TXNDC5: variants seen among roughly 807,000 people sequenced by gnomAD.
TXNDC5 encodes thioredoxin domain-containing protein 5.
TXNDC5 carries 44 observed loss-of-function variants against 52.6 expected under a neutral mutation model. The observed-to-expected ratio is 0.84, with a 90% CI of 0.66 to 1.08. The LOEUF (loss-of-function observed/expected upper bound fraction) is 1.08. Among genes scored for constraint, TXNDC5 ranks in the 50% least tolerant of loss-of-function variants. The probability of loss-of-function intolerance (pLI) is 0.00; values close to 1 mark genes in which losing one functional copy is unlikely to be tolerated. For missense variants in TXNDC5, 600 were observed against 565.5 expected, an observed-to-expected ratio of 1.06 and a Z score of -0.62; for synonymous variants, 241 against 234.4, an observed-to-expected ratio of 1.03 and a Z score of -0.26.
intron 7 of TXNDC5, among the ~76,000 whole-genome samples, chr6:7,888,311 G>A (rs1445609291): frequency 2.0e-5 from 3 of 152,154 alleles, no homozygotes; most frequent in African/African-American, 7.2e-5. Flanking sequence ...AAAGGAAAAT[G>A]CCCGGAGCAA....
In TXNDC5 at chr6:7,882,967, TA is replaced by T. The variant is rs1759819567; in HGVS notation, c.*176del. On this transcript the variant is annotated 3_prime_UTR_variant, in exon 10 of 10. Coordinates refer to ENST00000379757, the MANE Select transcript of TXNDC5 (RefSeq NM_030810.5). ...ATTTACTTAGAGAAACTTAACTTAA[TA>T]AAGAATCTGTAGAGTGTGTTGGCTT... 14 of 753,188 alleles carry T rather than the reference TA, an allele frequency of 1.9e-5. No individual in the cohort carries two copies. The South Asian group carries it at 3.0e-4, about 16-fold the overall frequency. 46.7% of individuals were successfully genotyped at this position (753,188 alleles called of 1,614,324 possible). A position where few individuals can be genotyped will look rare whatever the true frequency, so the allele number is the denominator to read the frequency against.
rs1236860815 is a variant in TXNDC5 at position 7,891,347 on chromosome 6, GA to G, written c.732+273del. ...CAAGGCTCTACCCCATCTCTTTGCA[GA>G]ACGGGCTCTGGGGCTGCCAATTCAG... On this transcript the variant is annotated intron_variant, in intron 5 of 9. Coordinates refer to ENST00000379757, the MANE Select transcript of TXNDC5 (RefSeq NM_030810.5). Among the ~76,000 whole-genome samples, 9 of 152,250 alleles carry G rather than the reference GA, an allele frequency of 5.9e-5. No homozygotes were observed. The East Asian group carries it at 1.7e-3, about 29-fold the overall frequency.
At chr6:7,910,483 C>A (rs1472376231) in intron 1 of TXNDC5, 31 bp downstream of exon 1, 2 of 1,398,554 alleles carry the variant, frequency 1.4e-6, no homozygotes, top group Non-Finnish European at 9.4e-7. Context: ...GCGCCAAGTG[C>A]GGGGCAGGGC....
chr6:7,903,442 T>C (rs1760635234), intron 2 of TXNDC5, among the ~76,000 whole-genome samples: 1 of 152,190 alleles, frequency 6.6e-6, no homozygotes, highest in Non-Finnish European at 1.5e-5. Flanking sequence ...GTATTGGGTG[T>C]GCTCAGATTG....
intron 5 of TXNDC5, among the ~76,000 whole-genome samples, chr6:7,890,429 G>C (rs1760150734): frequency 1.3e-5 from 2 of 152,168 alleles, no homozygotes; most frequent in Middle Eastern, 3.2e-3. Context: ...GTGTAACCCA[G>C]CCACATGTGC....
At position 7,910,274 on chromosome 6, in the gene TXNDC5, C is replaced by G. The variant is rs1322195568; in HGVS notation, c.263+240G>C. ...CCGGCCCCGAGCCGCGGCGCCCGCG[C>G]CCCCCGCTCCCCGCCAGCCGGAGCC... On this transcript the variant is annotated intron_variant, in intron 1 of 9. Transcript: ENST00000379757. Among the ~76,000 whole-genome samples, 8 of 146,450 alleles carry G rather than the reference C, an allele frequency of 5.5e-5. No individual in the cohort carries two copies. The East Asian group carries it at 1.4e-3, about 25-fold the overall frequency.
intron 4 of TXNDC5, chr6:7,894,754 C>T (rs1466402516): frequency 4.4e-5 from 43 of 985,314 alleles, no homozygotes; most frequent in Non-Finnish European, 5.2e-5. Context: ...TGCCAAAATC[C>T]TCAATCCGTA....
At chr6:7,900,969 A>G (rs1760546242) in intron 2 of TXNDC5, among the ~76,000 whole-genome samples, 1 of 152,008 alleles carries the variant, frequency 6.6e-6, no homozygotes, top group African/African-American at 2.4e-5. Flanking sequence ...AAAAATGGCT[A>G]ATTCTCCTTA....
At chr6:7,889,718 A>C in intron 5 of TXNDC5, 137 bp from the exon 6 acceptor site, 2 of 636,810 alleles carry the variant, frequency 3.1e-6, no homozygotes, top group Non-Finnish European at 2.7e-6. Flanking sequence ...AGCAAGGTGC[A>C]GTTTTTGAAG....
Position 7,910,549 on chromosome 6 carries a change from C to G in TXNDC5, c.228G>C (p.Gln76His), listed in dbSNP as rs1475676053. ...AGAACATGACGAAGTGCGCGGCGCT[C>G]TGGATCCCGTGCGTGAACATGTCGG... is the stretch of plus-strand genomic sequence containing the variant. ...YTADMFTHGI[Q>H]SAAHFVMFFA... The change falls in exon 1 of 10, where the codon CAG becomes CAC. Residue 76 changes from glutamine to histidine, a missense_variant. Coordinates refer to ENST00000379757, the MANE Select transcript of TXNDC5 (RefSeq NM_030810.5). 13 of 1,456,930 alleles carry G rather than the reference C, an allele frequency of 8.9e-6. No homozygotes were observed. The highest frequency in any genetic ancestry group is 3.6e-4 in the Middle Eastern group (2 of 5,568). 90.3% of individuals were successfully genotyped at this position (1,456,930 alleles called of 1,614,324 possible).
intron 7 of TXNDC5, among the ~76,000 whole-genome samples, chr6:7,887,902 T>C (rs1681459883): frequency 6.6e-6 from 1 of 152,090 alleles, no homozygotes; most frequent in African/African-American, 2.4e-5. Context: ...CTGCCCAGCC[T>C]ATCTGTCCAG....
At position 7,888,211 on chromosome 6, in the gene TXNDC5, C is replaced by T. The variant is rs1335528328; in HGVS notation, c.963+494G>A. Among the ~76,000 whole-genome samples the T allele has an allele frequency of 2.6e-5, 4 of 152,226 alleles. No individual in the cohort carries two copies. In the East Asian group the frequency reaches 7.7e-4, roughly 29 times the overall value. On this transcript the variant is annotated intron_variant, in intron 7 of 9. Transcript: ENST00000379757. ...AAGGAAGCCCCTCAGTGCATCAGGA[C>T]TGCCTAGGCAGGTTACAGCTACAGT...
chr6:7,896,228 G>A (rs1250733017), intron 3 of TXNDC5, among the ~76,000 whole-genome samples: 1 of 152,204 alleles, frequency 6.6e-6, no homozygotes, highest in Non-Finnish European at 1.5e-5. Context: ...GCACCTTCAA[G>A]AAAGAATGTA....
Position 7,885,965 on chromosome 6 carries a change from G to T in TXNDC5, c.1042C>A (p.Pro348Thr), listed in dbSNP as rs1759960807. The T allele has an allele frequency of 6.2e-7, 1 of 1,613,812 alleles. No individual in the cohort carries two copies. Among genetic ancestry groups the T allele is most frequent in the Admixed American group, 1.7e-5 (1 of 59,962 alleles). The change falls in exon 8 of 10, where the codon CCA becomes ACA. Residue 348 changes from proline (P) to threonine (T), a missense_variant. Transcript: ENST00000379757. ...EGITFIKFYA[P>T]WCGHCKTLAP... is the part of the protein sequence containing the mutation. Reference sequence around the variant, plus strand: ...TCTAATTAAACAGCCACTTACCATGGAGCATAAAACTTGATGAAGGTTATT... The same window carrying T: ...TCTAATTAAACAGCCACTTACCATGTAGCATAAAACTTGATGAAGGTTATT...
Position 7,881,935 on chromosome 6 carries a change from C to G in TXNDC5, c.*1209G>C, listed in dbSNP as rs928763725. On this transcript the variant is annotated 3_prime_UTR_variant, in exon 10 of 10. Coordinates refer to ENST00000379757, the MANE Select transcript of TXNDC5 (RefSeq NM_030810.5). ...GGACAAACACCTATCTATCTTAGAG[C>G]TTAAGCCTGTATGTGCTTATTCCCA... is the stretch of plus-strand genomic sequence containing the variant. The G allele has an allele frequency of 5.9e-5, 9 of 152,520 alleles. No homozygotes were observed. The highest frequency in any genetic ancestry group is 1.7e-4 in the African/African-American group (7 of 41,378). 9.4% of individuals were successfully genotyped at this position (152,520 alleles called of 1,614,324 possible). A position where few individuals can be genotyped will look rare whatever the true frequency, so the allele number is the denominator to read the frequency against.
In TXNDC5 at chr6:7,895,134, T is replaced by C. The variant is rs764596673; in HGVS notation, c.588A>G (p.Ala196=). 3 of 1,613,920 alleles carry C rather than the reference T, an allele frequency of 1.9e-6. No individual in the cohort carries two copies. The highest frequency in any genetic ancestry group is 2.2e-5 in the South Asian group (2 of 90,948). ...ELKQGLYELS[A]SNFELHVAQG... ...GTGCAACGTGCAGCTCAAAGTTGCTTGCTGAGAGCTCATACAGCCCTTGCT... is the reference window on the plus strand; with the variant it reads ...GTGCAACGTGCAGCTCAAAGTTGCTCGCTGAGAGCTCATACAGCCCTTGCT... Residue 196 remains alanine, a synonymous_variant, in exon 4 of 10, where the codon GCA becomes GCG. Coordinates refer to ENST00000379757, the MANE Select transcript of TXNDC5 (RefSeq NM_030810.5).
In TXNDC5 at chr6:7,881,524, A is replaced by T. The variant is rs1759734838; in HGVS notation, c.*1620T>A. 2 of 152,302 alleles carry T rather than the reference A, an allele frequency of 1.3e-5. No homozygotes were observed. The highest frequency in any genetic ancestry group is 2.9e-5 in the Non-Finnish European group (2 of 67,972). The allele number at this position is 152,302 out of a possible 1,614,324, so 9.4% of individuals were successfully genotyped here. On this transcript the variant is annotated 3_prime_UTR_variant, in exon 10 of 10. Transcript: ENST00000379757. ...TTGAAGGAAAGACCAGACTTTTAAAAAAAAAGAGTTTATTTAGAAAGTATC... is the reference window on the plus strand; with the variant it reads ...TTGAAGGAAAGACCAGACTTTTAAATAAAAAGAGTTTATTTAGAAAGTATC...
In TXNDC5 at chr6:7,882,101, T is replaced by C. The variant is rs964778397; in HGVS notation, c.*1043A>G. 5 of 152,658 alleles carry C rather than the reference T, an allele frequency of 3.3e-5. No homozygotes were observed. Among genetic ancestry groups the C allele is most frequent in the African/African-American group, 1.2e-4 (5 of 41,448 alleles). 9.5% of individuals were successfully genotyped at this position (152,658 alleles called of 1,614,324 possible). A position where few individuals can be genotyped will look rare whatever the true frequency, so the allele number is the denominator to read the frequency against. On this transcript the variant is annotated 3_prime_UTR_variant, in exon 10 of 10. Coordinates refer to ENST00000379757, the MANE Select transcript of TXNDC5 (RefSeq NM_030810.5). ...TCTTGAGATCAAATGCATCCCATTC[T>C]TCATACATTAGAAGGTCGACCTCCT...
intron 4 of TXNDC5, among the ~76,000 whole-genome samples, chr6:7,893,860 T>C (rs1006688369): frequency 6.6e-6 from 1 of 152,112 alleles, no homozygotes; most frequent in African/African-American, 2.4e-5. Context: ...GGGATTTCTC[T>C]CCATGGTAGC....
Sources: allele counts gnomAD v4.1 joint callset (sites outside exome capture counted in the v4.1 genomes callset), GRCh38; gene constraint gnomAD v4.1.1; transcripts MANE v1.5; gene names NCBI Gene and HGNC (gene_info 2026-07-23, HGNC 2026-07-21).